Variants in LUZP2 observed in about 807,000 individuals in gnomAD.
The protein encoded by LUZP2 is leucine zipper protein 2.
A neutral mutation model predicts 51.6 loss-of-function variants in LUZP2; 52 were observed. The ratio of observed to expected loss-of-function variants is 1.01; its 90% CI spans 0.81 to 1.27. The LOEUF (loss-of-function observed/expected upper bound fraction) is 1.27. Ranked by LOEUF, LUZP2 falls within the 50% of genes most tolerant of loss-of-function variation. The probability of loss-of-function intolerance (pLI) is 0.00; values close to 1 mark genes in which losing one functional copy is unlikely to be tolerated. For synonymous variants in LUZP2, 154 were observed against 137.3 expected (o/e 1.12, Z -0.85); for missense variants, 436 against 395.4 (o/e 1.10, Z -0.87).
Position 25,050,046 on chromosome 11 carries a change from A to G in LUZP2, c.774A>G (p.Gln258=). 1 of 1,590,128 alleles carries G rather than the reference A, an allele frequency of 6.3e-7. No individual in the cohort carries two copies. The highest frequency in any genetic ancestry group is 8.6e-7 in the Non-Finnish European group (1 of 1,168,184). ...PDAAAKSKPQ[Q]SASGNNESSQ... is the part of the protein sequence containing the mutation. ...TCTTCGTCTCTTTTAAGCCTCAACA[A>G]AGTGCTTCTGGAAACAATGAGAGCT... The change falls in exon 10 of 12, where the codon CAA becomes CAG. Residue 258 remains glutamine (Q), a synonymous_variant. Transcript: ENST00000336930.
At chr11:24,669,999 A>T (rs796634038) in intron 1 of LUZP2, among the ~76,000 whole-genome samples, 3 of 152,084 alleles carry the variant, frequency 2.0e-5, no homozygotes, top group South Asian at 2.1e-4. Flanking sequence ...ATTCTGAATT[A>T]AAAAAAACTA....
intron 10 of LUZP2, among the ~76,000 whole-genome samples, chr11:25,059,998 A>G (rs1035976592): frequency 1.3e-5 from 2 of 152,162 alleles, no homozygotes; most frequent in Non-Finnish European, 2.9e-5. Context: ...TTCCATTAGG[A>G]ACCTTTATAT....
intron 1 of LUZP2, among the ~76,000 whole-genome samples, chr11:24,570,191 G>A (rs760693314): frequency 1.3e-5 from 2 of 151,994 alleles, no homozygotes; most frequent in Middle Eastern, 3.2e-3. Context: ...AATCATAGAC[G>A]AGAAGACGGT....
chr11:24,762,659 T>C (rs1314722999), intron 4 of LUZP2, among the ~76,000 whole-genome samples: 3 of 152,170 alleles, frequency 2.0e-5, no homozygotes, highest in African/African-American at 7.2e-5. Context: ...CCACTTACTA[T>C]ACTACCATTT....
chr11:24,818,201 A>T (rs1729874203), intron 5 of LUZP2, among the ~76,000 whole-genome samples: 3 of 152,176 alleles, frequency 2.0e-5, no homozygotes, highest in Middle Eastern at 6.8e-3. Context: ...AAGATGGATG[A>T]TCCGTCTTTT....
intron 8 of LUZP2, among the ~76,000 whole-genome samples, chr11:24,978,105 C>T (rs1020475688): frequency 6.6e-6 from 1 of 151,324 alleles, no homozygotes; most frequent in African/African-American, 2.4e-5. Context: ...CAGTTTGTAC[C>T]ATAGTTATTT....
intron 1 of LUZP2, among the ~76,000 whole-genome samples, chr11:24,653,378 C>T (rs959685703): frequency 2.6e-5 from 4 of 151,830 alleles, no homozygotes; most frequent in Non-Finnish European, 4.4e-5. Context: ...TTCATTATAC[C>T]CCCAAAAACA....
In LUZP2 at chr11:25,081,917, T is replaced by A. The variant is rs1365964149; in HGVS notation, c.*3259T>A. 6.6e-6 allele frequency: 1 copy of A among 152,182 alleles called. No homozygotes were observed. The highest frequency in any genetic ancestry group is 1.5e-5 in the Non-Finnish European group (1 of 68,006). The allele number at this position is 152,182 out of a possible 1,614,324, so 9.4% of individuals were successfully genotyped here. On this transcript the variant is annotated 3_prime_UTR_variant, in exon 12 of 12. Coordinates refer to ENST00000336930, the MANE Select transcript of LUZP2 (RefSeq NM_001009909.4). Reference sequence around the variant, plus strand: ...AACAATTGTATTTCTCTATAGTTATTTTAAAATAGTAATCAATGCTATGTA... The same window carrying A: ...AACAATTGTATTTCTCTATAGTTATATTAAAATAGTAATCAATGCTATGTA...
At chr11:25,014,894 TAA>T (rs1282268586) in intron 9 of LUZP2, among the ~76,000 whole-genome samples, 2 of 152,186 alleles carry the variant, frequency 1.3e-5, no homozygotes, top group Admixed American at 6.5e-5. Context: ...GTCTAACATT[TAA>T]GTCTTTACTC....
intron 9 of LUZP2, among the ~76,000 whole-genome samples, chr11:25,045,414 G>A (rs1014718200): frequency 3.3e-5 from 5 of 150,618 alleles, no homozygotes; most frequent in East Asian, 2.0e-4. Flanking sequence ...AAGTTACACC[G>A]TCATTCTTTT....
At chr11:24,539,658 A>G (rs1039821744) in intron 1 of LUZP2, among the ~76,000 whole-genome samples, 1 of 152,026 alleles carries the variant, frequency 6.6e-6, no homozygotes, top group African/African-American at 2.4e-5. Flanking sequence ...GGGGAAAAAC[A>G]AGTAATCAAT....
chr11:24,827,628 G>A (rs1850582100), intron 5 of LUZP2, among the ~76,000 whole-genome samples: 1 of 152,136 alleles, frequency 6.6e-6, no homozygotes, highest in South Asian at 2.1e-4. Flanking sequence ...AAGGGGCGTA[G>A]GGGCATGATG....
At chr11:24,654,511 C>A (rs546443411) in intron 1 of LUZP2, among the ~76,000 whole-genome samples, 1 of 151,876 alleles carries the variant, frequency 6.6e-6, no homozygotes, top group African/African-American at 2.4e-5. Flanking sequence ...CACCCCTGGG[C>A]TCAAGAGTTT....
At chr11:25,052,424 G>A (rs1858544012) in intron 10 of LUZP2, among the ~76,000 whole-genome samples, 1 of 152,074 alleles carries the variant, frequency 6.6e-6, no homozygotes, top group Non-Finnish European at 1.5e-5. Flanking sequence ...CATTAGTTGT[G>A]TTAATTTTTT....
chr11:24,608,142 C>T (rs916009342), intron 1 of LUZP2, among the ~76,000 whole-genome samples: 2 of 152,176 alleles, frequency 1.3e-5, no homozygotes, highest in Non-Finnish European at 2.9e-5. Flanking sequence ...AGCCACTGCG[C>T]CCGGCATCTA....
intron 5 of LUZP2, among the ~76,000 whole-genome samples, chr11:24,889,469 C>A (rs2133754120): frequency 6.6e-6 from 1 of 152,202 alleles, no homozygotes; most frequent in East Asian, 1.9e-4. Context: ...GTTTCAATGC[C>A]TAAGTAATGT....
At chr11:24,635,594 T>C (rs1000923661) in intron 1 of LUZP2, among the ~76,000 whole-genome samples, 1 of 152,212 alleles carries the variant, frequency 6.6e-6, no homozygotes. Context: ...ATTAAACTAA[T>C]GATAACTTGG....
At chr11:24,924,429 G>A (rs1327144536) in intron 7 of LUZP2, among the ~76,000 whole-genome samples, 3 of 151,942 alleles carry the variant, frequency 2.0e-5, no homozygotes, top group African/African-American at 4.8e-5. Context: ...TTTACTGCCC[G>A]TTCCTGCCCG....
At chr11:24,891,252 T>C in intron 5 of LUZP2, 1 of 984,610 alleles carries the variant, frequency 1.0e-6, no homozygotes, top group Non-Finnish European at 1.2e-6. Flanking sequence ...TCCACAAAAA[T>C]TTTAAGTGAA....
Sources: allele counts gnomAD v4.1 joint callset (sites outside exome capture counted in the v4.1 genomes callset), GRCh38; gene constraint gnomAD v4.1.1; transcripts MANE v1.5; gene names NCBI Gene and HGNC (gene_info 2026-07-23, HGNC 2026-07-21).